The following LRP1B variants were observed in gnomAD, a reference collection of about 807,000 sequenced individuals.
LRP1B encodes low-density lipoprotein receptor-related protein 1B.
LRP1B carries 217 observed loss-of-function variants against 556.6 expected under a neutral mutation model. The observed-to-expected ratio is 0.39, with a 90% CI of 0.35 to 0.44. The LOEUF is 0.44. Among genes scored for constraint, LRP1B ranks in the 20% least tolerant of loss-of-function variants. The pLI, the probability that LRP1B is intolerant of heterozygous loss-of-function variation, is 1.00. For missense variants in LRP1B, 5,053 were observed against 5,620.8 expected, an observed-to-expected ratio of 0.90 and a Z score of 3.23; for synonymous variants, 2,047 against 1,865.8, an observed-to-expected ratio of 1.10 and a Z score of -2.50.
chr2:141,540,348 A>G (rs759056156), intron 2 of LRP1B, among the ~76,000 whole-genome samples: 182 of 152,048 alleles, frequency 1.2e-3, no homozygotes, highest in Non-Finnish European at 1.5e-3. Context: ...CGACAGATAC[A>G]ATATTGGTGA....
chr2:141,767,250 T>C (rs963171096), intron 2 of LRP1B, among the ~76,000 whole-genome samples: 3 of 152,088 alleles, frequency 2.0e-5, no homozygotes, highest in African/African-American at 7.2e-5. Context: ...AGGAAAGCTA[T>C]GCAAGGAAAG....
intron 1 of LRP1B, among the ~76,000 whole-genome samples, chr2:142,061,639 C>T (rs1395483161): frequency 6.6e-6 from 1 of 151,788 alleles, no homozygotes; most frequent in African/African-American, 2.4e-5. Flanking sequence ...ATATATTTTG[C>T]ATTAACATAA....
At chr2:141,830,428 A>G (rs1697074638) in intron 1 of LRP1B, among the ~76,000 whole-genome samples, 2 of 151,960 alleles carry the variant, frequency 1.3e-5, no homozygotes, top group Admixed American at 6.6e-5. Flanking sequence ...AAACCCTGGA[A>G]TAGATAAATC....
At chr2:141,001,076 T>C (rs1400734073) in intron 15 of LRP1B, among the ~76,000 whole-genome samples, 5 of 152,170 alleles carry the variant, frequency 3.3e-5, no homozygotes, top group Admixed American at 6.6e-5. Context: ...AACCTCAAAA[T>C]ACTATTCAAA....
At chr2:140,958,171 C>G (rs1034082224) in intron 18 of LRP1B, among the ~76,000 whole-genome samples, 8 of 151,356 alleles carry the variant, frequency 5.3e-5, no homozygotes, top group African/African-American at 1.9e-4. Context: ...AATCTGGTGA[C>G]TAAAATTCAG....
At chr2:141,998,467 G>T (rs1320186491) in intron 1 of LRP1B, among the ~76,000 whole-genome samples, 1 of 151,990 alleles carries the variant, frequency 6.6e-6, no homozygotes, top group East Asian at 1.9e-4. Flanking sequence ...AAGTTCTCCG[G>T]TTGATTAAGA....
intron 75 of LRP1B, among the ~76,000 whole-genome samples, chr2:140,355,493 G>A (rs1682169021): frequency 6.6e-6 from 1 of 151,760 alleles, no homozygotes. Flanking sequence ...TCCCCTTTTG[G>A]GTGAGTAGAA....
intron 6 of LRP1B, among the ~76,000 whole-genome samples, chr2:141,200,719 T>C (rs1249371815): frequency 6.6e-6 from 1 of 152,166 alleles, no homozygotes; most frequent in African/African-American, 2.4e-5. Flanking sequence ...ACTGAGAAGT[T>C]AACTAGTGAC....
At chr2:140,915,670 AAATAAAT>A (rs1559192225) in intron 21 of LRP1B, among the ~76,000 whole-genome samples, 2 of 150,520 alleles carry the variant, frequency 1.3e-5, no homozygotes, top group African/African-American at 4.9e-5. Context: ...ATAAATAAAT[AAATAAAT>A]AAATAAATAA....
At position 141,268,740 on chromosome 2, in the gene LRP1B, T is replaced by G. The variant is rs1028597548; in HGVS notation, c.344-14099A>C. Among the ~76,000 whole-genome samples the G allele has an allele frequency of 2.6e-5, 4 of 152,110 alleles. No individual in the cohort carries two copies. In the South Asian group the frequency reaches 8.3e-4, roughly 31 times the overall value. ...TCTTTTAACATTTGCAGCAGAATAC[T>G]GAAGAATTACTCTCTGAAGAGACTG... On this transcript the variant is annotated intron_variant, in intron 3 of 90. Transcript: ENST00000389484.
intron 1 of LRP1B, among the ~76,000 whole-genome samples, chr2:142,022,280 TA>T (rs200485480): frequency 2.0e-5 from 3 of 148,246 alleles, no homozygotes; most frequent in South Asian, 2.3e-4. Context: ...CATAATGTTG[TA>T]AAAAAAAACA....
At chr2:140,607,643 AC>A (rs1466146989) in intron 41 of LRP1B, among the ~76,000 whole-genome samples, 2 of 141,422 alleles carry the variant, frequency 1.4e-5, no homozygotes, top group East Asian at 4.3e-4. Context: ...ACACACACAC[AC>A]ACACACACAC....
At chr2:141,431,005 C>T (rs892523287) in intron 3 of LRP1B, among the ~76,000 whole-genome samples, 2 of 151,724 alleles carry the variant, frequency 1.3e-5, no homozygotes, top group Admixed American at 6.6e-5. Flanking sequence ...GGCATGGTGC[C>T]GTGTGCCTAT....
At chr2:141,693,287 A>G (rs1403806858) in intron 2 of LRP1B, among the ~76,000 whole-genome samples, 3 of 152,044 alleles carry the variant, frequency 2.0e-5, no homozygotes, top group Non-Finnish European at 4.4e-5. Context: ...AATAAATCAC[A>G]AAGTGGGCAT....
intron 7 of LRP1B, among the ~76,000 whole-genome samples, chr2:141,124,825 T>C (rs2105008900): frequency 6.6e-6 from 1 of 152,248 alleles, no homozygotes; most frequent in Non-Finnish European, 1.5e-5. Flanking sequence ...TTCTTTTTTC[T>C]ATTTTTATTG....
At chr2:140,460,315 T>C (rs1169917099) in intron 60 of LRP1B, among the ~76,000 whole-genome samples, 2 of 152,154 alleles carry the variant, frequency 1.3e-5, no homozygotes, top group Non-Finnish European at 2.9e-5. Context: ...CTTTGTAAAT[T>C]ACCAAATCTG....
At chr2:141,056,337 G>T (rs1699177833) in intron 9 of LRP1B, among the ~76,000 whole-genome samples, 1 of 151,650 alleles carries the variant, frequency 6.6e-6, no homozygotes, top group South Asian at 2.1e-4. Flanking sequence ...CCATCAACAT[G>T]CAAATATACC....
intron 32 of LRP1B, among the ~76,000 whole-genome samples, chr2:140,803,501 T>C (rs1392078570): frequency 2.0e-5 from 3 of 152,004 alleles, no homozygotes; most frequent in Admixed American, 6.6e-5. Context: ...GGTTTCACTG[T>C]GTTAGCCAGG....
At chr2:140,598,221 G>C (rs1682518110) in intron 43 of LRP1B, among the ~76,000 whole-genome samples, 2 of 152,098 alleles carry the variant, frequency 1.3e-5, no homozygotes, top group Admixed American at 1.3e-4. Context: ...GTTGCTTTAA[G>C]GACACAAACA....
Sources: gnomAD v4.1 joint callset for allele counts (sites outside exome capture counted in the v4.1 genomes callset) on GRCh38, gnomAD v4.1.1 for gene constraint, MANE v1.5 for transcripts, NCBI Gene and HGNC (gene_info 2026-07-23, HGNC 2026-07-21) for gene names.